RALYL: variants seen among roughly 807,000 people sequenced by gnomAD.
The protein encoded by RALYL is RALY RNA binding protein like, also known as RNA-binding Raly-like protein.
RALYL carries 29 observed loss-of-function variants against 35.1 expected under a neutral mutation model. That is an observed-to-expected ratio of 0.83 (90% CI 0.61 to 1.13). The LOEUF (loss-of-function observed/expected upper bound fraction) is 1.13. RALYL is among the 50% of genes most tolerant of loss of function. RALYL has a pLI of 0.00. For missense variants in RALYL, 359 were observed against 360.4 expected (o/e 1.00, Z 0.03); for synonymous variants, 120 against 127.6 (o/e 0.94, Z 0.40).
chr8:84,606,463 A>T (rs1236255065), intron 2 of RALYL, among the ~76,000 whole-genome samples: 1 of 152,172 alleles, frequency 6.6e-6, no homozygotes, highest in Non-Finnish European at 1.5e-5. Flanking sequence ...GTTTTAATTT[A>T]AAAAACACAA....
At chr8:84,443,803 G>A (rs948476061) in intron 1 of RALYL, among the ~76,000 whole-genome samples, 1 of 151,970 alleles carries the variant, frequency 6.6e-6, no homozygotes. Flanking sequence ...CGTAGGCATG[G>A]ATATAAAAAA....
intron 2 of RALYL, among the ~76,000 whole-genome samples, chr8:84,544,422 G>A (rs1242596680): frequency 2.0e-5 from 3 of 151,584 alleles, no homozygotes; most frequent in African/African-American, 7.3e-5. Context: ...TTTTATCCAT[G>A]TCAGATTTTT....
At chr8:84,241,212 A>G (rs564526368) in intron 1 of RALYL, among the ~76,000 whole-genome samples, 6 of 152,154 alleles carry the variant, frequency 3.9e-5, no homozygotes, top group Non-Finnish European at 2.9e-5. Context: ...TGATAAGTTT[A>G]TGGTGAGGTG....
At chr8:84,435,624 TA>T (rs1461154618) in intron 1 of RALYL, among the ~76,000 whole-genome samples, 2 of 152,124 alleles carry the variant, frequency 1.3e-5, no homozygotes, top group African/African-American at 2.4e-5. Flanking sequence ...GTGCTGTGCT[TA>T]AAACTTAATC....
intron 8 of RALYL, among the ~76,000 whole-genome samples, chr8:84,916,686 G>C (rs933578988): frequency 6.6e-6 from 1 of 151,948 alleles, no homozygotes; most frequent in Non-Finnish European, 1.5e-5. Context: ...CCAGTCTCAG[G>C]TATGTCTTTA....
At chr8:84,788,201 T>TTA (rs1215860403) in intron 3 of RALYL, among the ~76,000 whole-genome samples, 1 of 152,092 alleles carries the variant, frequency 6.6e-6, no homozygotes, top group Non-Finnish European at 1.5e-5. Context: ...TTGTATAAGG[T>TTA]GTAAGGAAGG....
chr8:84,586,761 T>A (rs1812111900), intron 2 of RALYL, among the ~76,000 whole-genome samples: 1 of 152,120 alleles, frequency 6.6e-6, no homozygotes, highest in African/African-American at 2.4e-5. Flanking sequence ...CCCATATACT[T>A]ATTAAATTAA....
At chr8:84,235,269 A>T (rs1005027081) in intron 1 of RALYL, among the ~76,000 whole-genome samples, 1 of 152,246 alleles carries the variant, frequency 6.6e-6, no homozygotes, top group African/African-American at 2.4e-5. Context: ...ACAAATATTC[A>T]GATGAAGTTG....
intron 1 of RALYL, among the ~76,000 whole-genome samples, chr8:84,390,485 G>T (rs927337601): frequency 6.6e-6 from 1 of 151,958 alleles, no homozygotes; most frequent in Non-Finnish European, 1.5e-5. Context: ...ACTCTTTTTT[G>T]TTGGTAAGGT....
chr8:84,475,189 C>T (rs951107469), intron 1 of RALYL, among the ~76,000 whole-genome samples: 1 of 151,776 alleles, frequency 6.6e-6, no homozygotes, highest in Non-Finnish European at 1.5e-5. Context: ...TGATAGTTTG[C>T]TCAGAATGAT....
At chr8:84,252,434 G>A (rs549044873) in intron 1 of RALYL, among the ~76,000 whole-genome samples, 55 of 152,154 alleles carry the variant, frequency 3.6e-4, no homozygotes, top group Non-Finnish European at 5.6e-4. Flanking sequence ...ACGCCTACAC[G>A]GTACAAGCTG....
chr8:84,455,123 C>T (rs564275210), intron 1 of RALYL, among the ~76,000 whole-genome samples: 1 of 152,116 alleles, frequency 6.6e-6, no homozygotes, highest in Non-Finnish European at 1.5e-5. Context: ...GGGAACAGTT[C>T]TGAAGTAGAG....
In RALYL at chr8:84,317,990, C is replaced by T. The variant is rs569220868; in HGVS notation, c.-24+133566C>T. On this transcript the variant is annotated intron_variant, in intron 1 of 8. Transcript: ENST00000521268. ...CTGTTTTTCCTCTTAAATGCCATTA[C>T]CTTCTATATTCACCTTAGTCTGTTC... Among the ~76,000 whole-genome samples the T allele has an allele frequency of 7.2e-5, 11 of 152,064 alleles. No homozygotes were observed. In the South Asian group the frequency reaches 1.7e-3, roughly 23 times the overall value.
chr8:84,858,913 G>T lies in RALYL; in HGVS notation c.414-3383G>T, dbSNP rs192179535. ...CCAATGAAAATTAAGAAAGTCTTCA[G>T]GTCCATTAAAAGTTGTAAAATTAAA... On this transcript the variant is annotated intron_variant, in intron 5 of 8. Transcript: ENST00000521268. 6.3e-4 allele frequency among the ~76,000 whole-genome samples: 96 copies of T among 152,194 alleles called. 1 individual carries two copies. The Middle Eastern group carries it at 0.014, about 22-fold the overall frequency.
At chr8:84,444,094 C>A (rs905505586) in intron 1 of RALYL, among the ~76,000 whole-genome samples, 1 of 152,104 alleles carries the variant, frequency 6.6e-6, no homozygotes. Context: ...TTTGGGATGT[C>A]AAGGCAGGAG....
At chr8:84,338,038 G>A (rs368813509) in intron 1 of RALYL, among the ~76,000 whole-genome samples, 14 of 152,022 alleles carry the variant, frequency 9.2e-5, no homozygotes, top group Non-Finnish European at 1.8e-4. Flanking sequence ...GAGAGTAAAC[G>A]AGTGCACCAA....
chr8:84,499,244 C>T (rs541104056), intron 1 of RALYL, among the ~76,000 whole-genome samples: 31 of 152,102 alleles, frequency 2.0e-4, no homozygotes, highest in South Asian at 1.5e-3. Flanking sequence ...ACCTCCCTCG[C>T]GCCTTTATCA....
At chr8:84,885,399 T>A (rs1207467920) in intron 7 of RALYL, among the ~76,000 whole-genome samples, 1 of 152,160 alleles carries the variant, frequency 6.6e-6, no homozygotes, top group Non-Finnish European at 1.5e-5. Context: ...AATAACCACT[T>A]TATAGTCTTC....
chr8:84,192,656 C>T (rs1814200800), intron 1 of RALYL, among the ~76,000 whole-genome samples: 1 of 151,952 alleles, frequency 6.6e-6, no homozygotes, highest in Admixed American at 6.6e-5. Flanking sequence ...TTACCATGTT[C>T]AAGCAATTCC....
Sources: gnomAD v4.1 joint callset for allele counts (sites outside exome capture counted in the v4.1 genomes callset) on GRCh38, gnomAD v4.1.1 for gene constraint, MANE v1.5 for transcripts, NCBI Gene and HGNC (gene_info 2026-07-23, HGNC 2026-07-21) for gene names.